Variants in CTNNA2 observed in about 807,000 individuals in gnomAD.
CTNNA2 encodes the protein catenin alpha-2.
In CTNNA2, 42 loss-of-function variants were observed where a neutral mutation model predicts 101.0. The ratio of observed to expected loss-of-function variants is 0.42; its 90% CI spans 0.32 to 0.54. The LOEUF (loss-of-function observed/expected upper bound fraction) is 0.54. Ranked by LOEUF, CTNNA2 falls within the 20% of genes least tolerant of loss-of-function variation. CTNNA2 has a pLI of 0.14. For missense variants in CTNNA2, 871 were observed against 1,223.1 expected (o/e 0.71, Z 4.29); for synonymous variants, 450 against 456.4 (o/e 0.99, Z 0.18).
At chr2:79,932,068 C>A (rs992340808) in intron 7 of CTNNA2, among the ~76,000 whole-genome samples, 3 of 152,188 alleles carry the variant, frequency 2.0e-5, no homozygotes, top group African/African-American at 7.2e-5. Context: ...AAGCTCAGGA[C>A]CGAGGTACAT....
At chr2:79,303,933 C>T (rs1228796438) in intron 2 of CTNNA2, among the ~76,000 whole-genome samples, 3 of 152,050 alleles carry the variant, frequency 2.0e-5, no homozygotes, top group African/African-American at 4.8e-5. Flanking sequence ...AGATCCAGAG[C>T]ATTACCCATG....
At position 80,399,176 on chromosome 2, in the gene CTNNA2, T is replaced by A. The variant is rs1282369164; in HGVS notation, c.1137+5885T>A. 2.0e-5 allele frequency among the ~76,000 whole-genome samples: 3 copies of A among 151,772 alleles called. No individual in the cohort carries two copies. The East Asian group carries it at 5.9e-4, about 30-fold the overall frequency. ...CGTGAAAGGTCATCCTTTGGATGTATCCCTTGATGATGGGTAGTACAGTCA... is the reference window on the plus strand; with the variant it reads ...CGTGAAAGGTCATCCTTTGGATGTAACCCTTGATGATGGGTAGTACAGTCA... On this transcript the variant is annotated intron_variant, in intron 8 of 18. Coordinates refer to ENST00000402739, the MANE Select transcript of CTNNA2 (RefSeq NM_001282597.3).
rs543056743 is a variant in CTNNA2, at chr2:79,312,479, C to G, written c.-405-230C>G. On this transcript the variant is annotated intron_variant, in intron 2 of 21. Transcript: ENST00000466387. ...TCATTTAGCAAGTATTTATTGAGTA[C>G]TTTGTGTGTCAGAAATTATGACAGG... Among the ~76,000 whole-genome samples the G allele has an allele frequency of 2.0e-5, 3 of 152,218 alleles. No homozygotes were observed. The East Asian group carries it at 5.8e-4, about 29-fold the overall frequency.
intron 3 of CTNNA2, among the ~76,000 whole-genome samples, chr2:79,807,326 T>C (rs1053727953): frequency 1.3e-5 from 2 of 152,212 alleles, no homozygotes; most frequent in African/African-American, 4.8e-5. Context: ...GTTTGACTTT[T>C]ATAACATTTA....
At chr2:80,037,871 G>A (rs1436935522) in intron 7 of CTNNA2, among the ~76,000 whole-genome samples, 4 of 152,094 alleles carry the variant, frequency 2.6e-5, no homozygotes, top group Non-Finnish European at 5.9e-5. Flanking sequence ...AGTCAGAATC[G>A]GGTAATGAAA....
chr2:80,128,583 T>G (rs1279500128), intron 7 of CTNNA2, among the ~76,000 whole-genome samples: 1 of 152,172 alleles, frequency 6.6e-6, no homozygotes, highest in Non-Finnish European at 1.5e-5. Flanking sequence ...TAGCCAACTC[T>G]AAACACCAGA....
intron 3 of CTNNA2, among the ~76,000 whole-genome samples, chr2:79,746,927 G>C (rs555745932): frequency 1.6e-4 from 24 of 152,236 alleles, no homozygotes; most frequent in Non-Finnish European, 3.4e-4. Context: ...TCAATGCTTA[G>C]TACTCATTAA....
rs144022042 is a variant in CTNNA2, at chr2:80,095,926, T to C, written c.1056+186129T>C. Reference sequence around the variant, plus strand: ...TTTATTAGTCTTGCTAGCGATCTATTAATTTTGTTGATCTTTTCAAAAAAC... The same window carrying C: ...TTTATTAGTCTTGCTAGCGATCTATCAATTTTGTTGATCTTTTCAAAAAAC... On this transcript the variant is annotated intron_variant, in intron 7 of 18. Coordinates refer to ENST00000402739, the MANE Select transcript of CTNNA2 (RefSeq NM_001282597.3). Among the ~76,000 whole-genome samples, 418 of 152,190 alleles carry C rather than the reference T, an allele frequency of 2.7e-3. 3 individuals carry two copies. Among genetic ancestry groups the C allele is most frequent in the African/African-American group, 9.2e-3 (382 of 41,524 alleles).
chr2:80,289,658 C>G (rs1675067621), intron 7 of CTNNA2, among the ~76,000 whole-genome samples: 1 of 152,154 alleles, frequency 6.6e-6, no homozygotes, highest in African/African-American at 2.4e-5. Flanking sequence ...CTCTGATAAT[C>G]TTCCTAAAAA....
chr2:79,667,962 C>T (rs573668758), intron 2 of CTNNA2, among the ~76,000 whole-genome samples: 4 of 151,114 alleles, frequency 2.6e-5, no homozygotes, highest in South Asian at 2.3e-4. Flanking sequence ...AACTTGAGGC[C>T]GGGCGCGGTG....
intron 4 of CTNNA2, among the ~76,000 whole-genome samples, chr2:79,457,724 CTAAGTT>C (rs1670841043): frequency 6.6e-6 from 1 of 152,146 alleles, no homozygotes; most frequent in African/African-American, 2.4e-5. Flanking sequence ...AGTAGGTTGA[CTAAGTT>C]TAAGAATATT....
intron 7 of CTNNA2, among the ~76,000 whole-genome samples, chr2:80,332,844 G>A (rs577322461): frequency 6.6e-6 from 1 of 152,280 alleles, no homozygotes; most frequent in East Asian, 1.9e-4. Flanking sequence ...CCAGGGTTCA[G>A]TGGCCCTAAA....
At chr2:79,599,978 A>G (rs750876697) in intron 1 of CTNNA2, among the ~76,000 whole-genome samples, 2 of 152,160 alleles carry the variant, frequency 1.3e-5, no homozygotes, top group African/African-American at 2.4e-5. Flanking sequence ...AGATTGCAGA[A>G]ACAGGTCTAA....
At chr2:79,465,576 A>G (rs1389890716) in intron 4 of CTNNA2, among the ~76,000 whole-genome samples, 1 of 152,166 alleles carries the variant, frequency 6.6e-6, no homozygotes, top group African/African-American at 2.4e-5. Context: ...CTTGGGCAGT[A>G]TGGCCATTTT....
chr2:79,720,839 T>C (rs1686435400), intron 2 of CTNNA2, among the ~76,000 whole-genome samples: 1 of 152,114 alleles, frequency 6.6e-6, no homozygotes, highest in African/African-American at 2.4e-5. Context: ...TTTTATTTCT[T>C]TTCCTATTTG....
chr2:79,918,461 G>C (rs1240090346), intron 7 of CTNNA2, among the ~76,000 whole-genome samples: 1 of 152,172 alleles, frequency 6.6e-6, no homozygotes, highest in Non-Finnish European at 1.5e-5. Flanking sequence ...AGAAAGTCTG[G>C]ATTCCCAGTT....
intron 3 of CTNNA2, among the ~76,000 whole-genome samples, chr2:79,353,351 G>T (rs1006165319): frequency 8.5e-5 from 13 of 152,168 alleles, no homozygotes; most frequent in Admixed American, 7.9e-4. Context: ...TGGTCAGAAA[G>T]TGTGCTTGGC....
chr2:80,325,853 A>G (rs913628546), intron 7 of CTNNA2, among the ~76,000 whole-genome samples: 1 of 152,200 alleles, frequency 6.6e-6, no homozygotes, highest in Non-Finnish European at 1.5e-5. Context: ...CCTAGCATTT[A>G]TCATTTTACA....
chr2:80,046,459 C>G (rs900689667), intron 7 of CTNNA2, among the ~76,000 whole-genome samples: 1 of 152,086 alleles, frequency 6.6e-6, no homozygotes, highest in Non-Finnish European at 1.5e-5. Context: ...AAGTATCCCC[C>G]CAAATAGCTC....
Sources: gnomAD v4.1 joint callset for allele counts (sites outside exome capture counted in the v4.1 genomes callset) on GRCh38, gnomAD v4.1.1 for gene constraint, MANE v1.5 for transcripts, NCBI Gene and HGNC (gene_info 2026-07-23, HGNC 2026-07-21) for gene names.